Variants in CEMIP2 observed in about 807,000 individuals in gnomAD.
The protein encoded by CEMIP2 is cell migration inducing hyaluronidase 2.
CEMIP2 carries 79 observed loss-of-function variants against 146.9 expected under a neutral mutation model. The ratio of observed to expected loss-of-function variants is 0.54; its 90% CI spans 0.45 to 0.65. The LOEUF is 0.65. CEMIP2 is among the 30% of genes least tolerant of loss of function. The probability of loss-of-function intolerance (pLI) is 0.00; values close to 1 mark genes in which losing one functional copy is unlikely to be tolerated. For synonymous variants in CEMIP2, 601 were observed against 606.3 expected, an observed-to-expected ratio of 0.99 and a Z score of 0.13; for missense variants, 1,596 against 1,696.2, an observed-to-expected ratio of 0.94 and a Z score of 1.04.
intron 5 of CEMIP2, among the ~76,000 whole-genome samples, chr9:71,739,348 T>C (rs1392122177): frequency 1.2e-5 from 1 of 85,934 alleles, no homozygotes; most frequent in Non-Finnish European, 2.1e-5. Context: ...GGTGACAGAG[T>C]GAGACTCTGT....
At position 71,685,821 on chromosome 9, in the gene CEMIP2, C is replaced by T; in HGVS notation, c.3877G>A (p.Gly1293Arg). The change falls in exon 23 of 24, where the codon GGA (glycine) becomes AGA (arginine). Residue 1293 changes from glycine (G) to arginine (R), a missense_variant. Coordinates refer to ENST00000377044, the MANE Select transcript of CEMIP2 (RefSeq NM_013390.3). ...GAAATGTTTAACTGCTTTATTTCTC[C>T]TCTTGTGCTCAACAGAACAATGGAC... ...PRSIVLLSTRGEIKQLNISHL... is the reference protein window; with the variant it reads ...PRSIVLLSTRREIKQLNISHL... 6.2e-7 allele frequency: 1 copy of T among 1,613,996 alleles called. No individual in the cohort carries two copies. Among genetic ancestry groups the T allele is most frequent in the Non-Finnish European group, 8.5e-7 (1 of 1,179,944 alleles).
intron 1 of CEMIP2, among the ~76,000 whole-genome samples, chr9:71,761,850 G>C (rs1489220718): frequency 6.6e-6 from 1 of 152,186 alleles, no homozygotes; most frequent in Non-Finnish European, 1.5e-5. Flanking sequence ...GTGATTGCTT[G>C]AGTTTATTAA....
intron 1 of CEMIP2, among the ~76,000 whole-genome samples, chr9:71,762,010 C>T (rs1420605178): frequency 6.9e-6 from 1 of 145,834 alleles, no homozygotes; most frequent in Non-Finnish European, 1.5e-5. Context: ...TAAATGACGA[C>T]ACGTTGCCCA....
intron 1 of CEMIP2, among the ~76,000 whole-genome samples, chr9:71,762,576 A>G (rs1486240275): frequency 6.6e-6 from 1 of 151,868 alleles, no homozygotes; most frequent in Non-Finnish European, 1.5e-5. Flanking sequence ...GACAAGCCCA[A>G]GTGCTGCAAG....
intron 1 of CEMIP2, among the ~76,000 whole-genome samples, chr9:71,766,191 C>T (rs1824786530): frequency 6.6e-6 from 1 of 151,846 alleles, no homozygotes. Context: ...TCCTCAGCCT[C>T]CCGAGTAGCT....
rs201553900 is a variant in CEMIP2 at position 71,700,673 on chromosome 9, C to T, written c.3346G>A (p.Glu1116Lys). Residue 1116 changes from glutamate to lysine, a missense_variant, in exon 19 of 24, where the codon GAG becomes AAG. Transcript: ENST00000377044. ...CTGGAGTCAAAATAGAATTTCCTCTCGGATTGCTTTCTTTGCAGTTCTTCC... is the reference window on the plus strand; with the variant it reads ...CTGGAGTCAAAATAGAATTTCCTCTTGGATTGCTTTCTTTGCAGTTCTTCC... ...SLEELQRKQS[E>K]RKFYFDSSTG... is the part of the protein sequence containing the mutation. The T allele has an allele frequency of 2.6e-4, 421 of 1,606,804 alleles. 3 individuals carry two copies. Among genetic ancestry groups the T allele is most frequent in the Middle Eastern group, 1.3e-3 (8 of 6,042 alleles).
chr9:71,754,527 TGAA>T (rs1310379981), intron 1 of CEMIP2, among the ~76,000 whole-genome samples: 3 of 152,186 alleles, frequency 2.0e-5, no homozygotes, highest in Non-Finnish European at 4.4e-5. Flanking sequence ...ACACATGCTA[TGAA>T]GAAGGAGCAT....
At chr9:71,725,942 A>T (rs1031275425) in intron 10 of CEMIP2, among the ~76,000 whole-genome samples, 1 of 152,234 alleles carries the variant, frequency 6.6e-6, no homozygotes, top group South Asian at 2.1e-4. Flanking sequence ...CAAAAGAGAA[A>T]TAATTGGCTG....
At chr9:71,689,702 C>A (rs1294530630) in intron 22 of CEMIP2, among the ~76,000 whole-genome samples, 1 of 152,074 alleles carries the variant, frequency 6.6e-6, no homozygotes, top group Non-Finnish European at 1.5e-5. Flanking sequence ...TAGTAATAAG[C>A]CTTCTGAGGG....
intron 1 of CEMIP2, among the ~76,000 whole-genome samples, chr9:71,757,920 C>T (rs1227716818): frequency 6.6e-6 from 1 of 152,080 alleles, no homozygotes; most frequent in Non-Finnish European, 1.5e-5. Flanking sequence ...CCTCTAATTC[C>T]GCAAGTTTCA....
chr9:71,746,079 A>T, intron 3 of CEMIP2, 122 bp downstream of exon 3: 1 of 1,083,382 alleles, frequency 9.2e-7, no homozygotes. Context: ...CTCCATGGTT[A>T]GAGTGACACC....
chr9:71,725,496 A>G (rs1340691718), intron 11 of CEMIP2, 85 bp downstream of exon 11: 4 of 1,423,620 alleles, frequency 2.8e-6, no homozygotes, highest in Non-Finnish European at 3.8e-6. Context: ...CTACAGCAGC[A>G]CAAAGTGGAC....
rs889693748 is a variant in CEMIP2, at chr9:71,685,545, C to T, written c.3956-152G>A. The T allele has an allele frequency of 1.2e-5, 13 of 1,051,176 alleles. No homozygotes were observed. The African/African-American group carries it at 2.1e-4, about 17-fold the overall frequency. The allele number at this position is 1,051,176 out of a possible 1,614,324, so 65.1% of individuals were successfully genotyped here. A position where few individuals can be genotyped will look rare whatever the true frequency, so the allele number is the denominator to read the frequency against. On this transcript the variant is annotated intron_variant, in intron 23 of 23. Transcript: ENST00000377044. ...CCTTACATCAGCAAATGAACTCTCA[C>T]CACCCACCTTTTGCCCCAGATAACA...
intron 16 of CEMIP2, 150 bp downstream of exon 16, chr9:71,711,933 A>T: frequency 1.4e-6 from 1 of 730,528 alleles, no homozygotes; most frequent in Non-Finnish European, 2.2e-6. Context: ...AATGGGAGAG[A>T]GTGCATGGAA....
intron 10 of CEMIP2, among the ~76,000 whole-genome samples, chr9:71,729,427 A>G (rs62547025): frequency 0.07 from 10,669 of 151,762 alleles, 542 homozygotes; most frequent in South Asian, 0.19. Flanking sequence ...AGACCATCCT[A>G]GCTAAAAAGG....
rs747318297 is a variant in CEMIP2 at position 71,698,107 on chromosome 9, C to T, written c.3475G>A (p.Asp1159Asn). 1.2e-6 allele frequency: 2 copies of T among 1,613,992 alleles called. No homozygotes were observed. The highest frequency in any genetic ancestry group is 2.7e-5 in the African/African-American group (2 of 74,906). The change falls in exon 20 of 24, where the codon GAC (aspartate) becomes AAC (asparagine). Residue 1159 changes from aspartate (D) to asparagine (N), a missense_variant. Asp to Asn is a conservative substitution (Grantham distance 23). Coordinates refer to ENST00000377044, the MANE Select transcript of CEMIP2 (RefSeq NM_013390.3). ...CERVKIQAAT[D>N]SKDISNCMAK... ...ATGCAGTTACTGATGTCCTTTGAGT[C>T]TGTGGCTGCTTGGATCTTGACTCTT...
intron 1 of CEMIP2, among the ~76,000 whole-genome samples, chr9:71,761,664 T>A (rs530861822): frequency 1.2e-3 from 189 of 152,294 alleles, no homozygotes; most frequent in Non-Finnish European, 2.0e-3. Flanking sequence ...TTTGAGCATC[T>A]CTTATGAGAA....
chr9:71,745,362 C>T lies in CEMIP2; in HGVS notation c.690G>A (p.Leu230=). The change falls in exon 4 of 24, where the codon CTG becomes CTA. Residue 230 remains leucine (L), a synonymous_variant. Coordinates refer to ENST00000377044, the MANE Select transcript of CEMIP2 (RefSeq NM_013390.3). ...KFIGVEAGGT[L]ELHGARKASW... ...ATGCCTTCCGTGCCCCATGTAACTC[C>T]AGTGTCCCGCCAGCTTCCACACCAA... 6.2e-7 allele frequency: 1 copy of T among 1,614,008 alleles called. No individual in the cohort carries two copies. The highest frequency in any genetic ancestry group is 1.1e-5 in the South Asian group (1 of 91,076).
chr9:71,725,065 C>T (rs529228019), intron 11 of CEMIP2, among the ~76,000 whole-genome samples: 1 of 149,046 alleles, frequency 6.7e-6, no homozygotes, highest in Non-Finnish European at 1.5e-5. Flanking sequence ...ATGGAATGCT[C>T]TCTATATATC....
Sources: allele counts gnomAD v4.1 joint callset (sites outside exome capture counted in the v4.1 genomes callset), GRCh38; gene constraint gnomAD v4.1.1; transcripts MANE v1.5; gene names NCBI Gene and HGNC (gene_info 2026-07-23, HGNC 2026-07-21).